Variants in QDPR observed in about 807,000 individuals in gnomAD.
QDPR encodes quinoid dihydropteridine reductase.
In QDPR, 23 loss-of-function variants were observed where a neutral mutation model predicts 31.7. The ratio of observed to expected loss-of-function variants is 0.73; its 90% CI spans 0.52 to 1.03. The LOEUF is 1.03. QDPR is among the 50% of genes least tolerant of loss of function. QDPR has a pLI of 0.00. For missense variants in QDPR, 324 were observed against 323.8 expected (o/e 1.00, Z 0.00); for synonymous variants, 124 against 124.7 (o/e 0.99, Z 0.03).
rs1049634500 is a variant in QDPR, at chr4:17,509,464, C to T, written c.106-101G>A. 1.1e-4 allele frequency: 112 copies of T among 1,022,434 alleles called. No individual in the cohort carries two copies. The African/African-American group carries it at 1.6e-3, about 14-fold the overall frequency. The allele number at this position is 1,022,434 out of a possible 1,614,324, so 63.3% of individuals were successfully genotyped here. ...GGAGTTGGCCAGGTGTAGTGGTTCA[C>T]GTCTGTAATGCCAGCACTTTGGGAG... On this transcript the variant is annotated intron_variant, in intron 1 of 6. Transcript: ENST00000281243.
At position 17,501,851 on chromosome 4, in the gene QDPR, T is replaced by TA; in HGVS notation, c.303dup (p.Lys102Ter). 1 of 1,614,104 alleles carries TA rather than the reference T, an allele frequency of 6.2e-7. No individual in the cohort carries two copies. The highest frequency in any genetic ancestry group is 1.1e-5 in the South Asian group (1 of 91,080). On this transcript the variant is annotated frameshift_variant, in exon 4 of 7. Coordinates refer to ENST00000281243, the MANE Select transcript of QDPR (RefSeq NM_000320.3). LOFTEE classifies it high-confidence loss of function. ...TGCTTCCACATCAGGTCACAGTTCT[T>TA]AAAGAGAGCTGAGTGAAAAAAACAT...
At chr4:17,508,553 A>C (rs1156707842) in intron 2 of QDPR, among the ~76,000 whole-genome samples, 1 of 152,188 alleles carries the variant, frequency 6.6e-6, no homozygotes, top group African/African-American at 2.4e-5. Flanking sequence ...CAAACTAAAT[A>C]AATTGTGGCC....
At chr4:17,487,319 G>T in intron 6 of QDPR, 83 bp from the exon 7 acceptor site, 1 of 1,056,938 alleles carries the variant, frequency 9.5e-7, no homozygotes, top group Non-Finnish European at 1.5e-6. Context: ...ACGGCTTGTG[G>T]GGTGGGGGGA....
Position 17,501,837 on chromosome 4 carries a change from C to T in QDPR, c.318G>A (p.Leu106=), listed in dbSNP as rs766832692. ...ATGTCCATATGCTCTGCTTCCACAT[C>T]AGGTCACAGTTCTTAAAGAGAGCTG... The part of the protein sequence containing the change: ...KSKSLFKNCD[L]MWKQSIWTST... The change falls in exon 4 of 7, where the codon CTG becomes CTA. Residue 106 remains leucine, a synonymous_variant. Transcript: ENST00000281243. 43 of 1,614,076 alleles carry T rather than the reference C, an allele frequency of 2.7e-5. No individual in the cohort carries two copies. The highest frequency in any genetic ancestry group is 3.6e-5 in the Non-Finnish European group (42 of 1,180,040).
rs1441835175 is a variant in QDPR at position 17,492,335 on chromosome 4, T to C, written c.442A>G (p.Ile148Val). The C allele has an allele frequency of 1.9e-6, 3 of 1,613,980 alleles. No individual in the cohort carries two copies. The highest frequency in any genetic ancestry group is 2.5e-6 in the Non-Finnish European group (3 of 1,179,938). Reference sequence around the variant, plus strand: ...GCACCCTTGGCCATGCCGTACCCGATCATACCTGGGAAATGGGGAGAAGAT... The same window carrying C: ...GCACCCTTGGCCATGCCGTACCCGACCATACCTGGGAAATGGGGAGAAGAT... ...KAALDGTPGM[I>V]GYGMAKGAVH... Residue 148 changes from isoleucine (I) to valine (V), a missense_variant, in exon 5 of 7, where the codon ATC becomes GTC. By Grantham distance (29) the Ile-to-Val change is conservative. Transcript: ENST00000281243.
At chr4:17,497,394 C>T (rs1036462690) in intron 4 of QDPR, among the ~76,000 whole-genome samples, 5 of 151,542 alleles carry the variant, frequency 3.3e-5, no homozygotes. Context: ...CTCAACAAAA[C>T]CTTTTCAGAG....
intron 2 of QDPR, among the ~76,000 whole-genome samples, chr4:17,505,172 TC>T (rs1322397685): frequency 6.6e-6 from 1 of 151,978 alleles, no homozygotes; most frequent in Admixed American, 6.6e-5. Context: ...CCACGACTCT[TC>T]CGTATTTCTC....
At chr4:17,511,553 C>G (rs1258132704) in intron 1 of QDPR, among the ~76,000 whole-genome samples, 2 of 152,212 alleles carry the variant, frequency 1.3e-5, no homozygotes, top group Non-Finnish European at 2.9e-5. Context: ...CGAGGTCCTA[C>G]GGCGTTAGGT....
intron 5 of QDPR, 36 bp from the exon 6 acceptor site, chr4:17,490,781 G>T (rs751223285): frequency 8.3e-6 from 13 of 1,557,302 alleles, no homozygotes; most frequent in African/African-American, 4.1e-5. Flanking sequence ...CATTCATGTC[G>T]CTCCTTTCTA....
At position 17,512,040 on chromosome 4, in the gene QDPR, C is replaced by A; in HGVS notation, c.15G>T (p.Ala5=). ...GCACCCGGCGCGCCTCGCCTGCAGC[C>A]GCCGCCGCCGCCATCCTGCTCCTGC... MAAA[A]AAGEARRVLV... Residue 5 remains alanine (A), a synonymous_variant, in exon 1 of 7, where the codon GCG becomes GCT. Transcript: ENST00000281243. 1 of 1,584,048 alleles carries A rather than the reference C, an allele frequency of 6.3e-7. No individual in the cohort carries two copies.
chr4:17,487,328 G>T, intron 6 of QDPR, 92 bp from the exon 7 acceptor site: 8 of 866,272 alleles, frequency 9.2e-6, no homozygotes, highest in African/African-American at 3.4e-5. Flanking sequence ...GGGGTGGGGG[G>T]AAGGGGTGGC....
intron 1 of QDPR, among the ~76,000 whole-genome samples, chr4:17,511,189 T>C (rs902546929): frequency 6.6e-6 from 1 of 152,104 alleles, no homozygotes; most frequent in South Asian, 2.1e-4. Flanking sequence ...GCTGGCAGTG[T>C]CTCCACCGGG....
intron 4 of QDPR, 48 bp from the exon 5 acceptor site, chr4:17,492,388 G>A (rs760459848): frequency 1.8e-5 from 25 of 1,388,484 alleles, no homozygotes; most frequent in Middle Eastern, 1.8e-4. Context: ...CGGCCAGGGG[G>A]ACAGCAAGGA....
intron 1 of QDPR, among the ~76,000 whole-genome samples, chr4:17,509,681 G>A (rs546620373): frequency 1.3e-5 from 2 of 152,188 alleles, no homozygotes; most frequent in East Asian, 1.9e-4. Flanking sequence ...ACTGTACTCC[G>A]GGCTAGGCAA....
chr4:17,507,017 CCTTTT>C lies in QDPR; in HGVS notation c.198+2249_198+2253del, dbSNP rs529798431. 3.4e-4 allele frequency among the ~76,000 whole-genome samples: 51 copies of C among 152,166 alleles called. 1 individual carries two copies. Among genetic ancestry groups the C allele is most frequent in the Admixed American group, 2.5e-3 (38 of 15,278 alleles). ...ATATGGTAGAACTATAAATGATTTC[CCTTTT>C]CTTTTTGCTTATTTGTATTTTCTAT... On this transcript the variant is annotated intron_variant, in intron 2 of 6. Coordinates refer to ENST00000281243, the MANE Select transcript of QDPR (RefSeq NM_000320.3).
intron 1 of QDPR, chr4:17,509,971 CA>C (rs1299508310): frequency 2.2e-6 from 1 of 456,002 alleles, no homozygotes; most frequent in East Asian, 6.9e-5. Context: ...TGTTGTTACT[CA>C]AATCTGCAAT....
intron 4 of QDPR, among the ~76,000 whole-genome samples, chr4:17,498,109 C>G (rs1453447579): frequency 6.6e-6 from 1 of 152,142 alleles, no homozygotes; most frequent in Non-Finnish European, 1.5e-5. Context: ...GTAAACTTCT[C>G]CACCTTCTGA....
intron 4 of QDPR, among the ~76,000 whole-genome samples, chr4:17,498,578 G>A (rs564488539): frequency 6.6e-6 from 1 of 152,184 alleles, no homozygotes; most frequent in South Asian, 2.1e-4. Flanking sequence ...GGACACAAAA[G>A]GGGTTATTTG....
intron 1 of QDPR, among the ~76,000 whole-genome samples, chr4:17,510,518 A>T (rs1271604027): frequency 1.3e-5 from 2 of 152,194 alleles, no homozygotes. Context: ...TTAACTTGTT[A>T]TCCCATGGGG....
Sources: gnomAD v4.1 joint callset for allele counts (sites outside exome capture counted in the v4.1 genomes callset) on GRCh38, gnomAD v4.1.1 for gene constraint, MANE v1.5 for transcripts, NCBI Gene and HGNC (gene_info 2026-07-23, HGNC 2026-07-21) for gene names.